MAPRE2: variants seen among roughly 807,000 people sequenced by gnomAD.
MAPRE2 encodes microtubule-associated protein RP/EB family member 2.
MAPRE2 carries 13 observed loss-of-function variants against 43.2 expected under a neutral mutation model. The ratio of observed to expected loss-of-function variants is 0.30; its 90% CI spans 0.20 to 0.48. MAPRE2 has a LOEUF of 0.48. Ranked by LOEUF, MAPRE2 falls within the 20% of genes least tolerant of loss-of-function variation. The probability of loss-of-function intolerance (pLI) is 0.99; values close to 1 mark genes in which losing one functional copy is unlikely to be tolerated. For synonymous variants in MAPRE2, 135 were observed against 148.8 expected, an observed-to-expected ratio of 0.91 and a Z score of 0.68; for missense variants, 161 against 400.2, an observed-to-expected ratio of 0.40 and a Z score of 5.10.
chr18:35,050,493 T>G (rs1905881255), intron 1 of MAPRE2, among the ~76,000 whole-genome samples: 1 of 152,232 alleles, frequency 6.6e-6, no homozygotes, highest in Admixed American at 6.5e-5. Context: ...CCAGAGTACA[T>G]TGAAGCTGCC....
rs375328148 is a variant in MAPRE2 at position 35,007,545 on chromosome 18, G to A, written c.-8+1992G>A. 1.1e-4 allele frequency among the ~76,000 whole-genome samples: 16 copies of A among 152,344 alleles called. 1 individual carries two copies. The highest frequency in any genetic ancestry group is 4.6e-4 in the Admixed American group (7 of 15,298). On this transcript the variant is annotated intron_variant, in intron 2 of 7. Transcript: ENST00000413393. ...AACAGACAAAGATAACACATAAAGA[G>A]ATGGCCTTGGCTGTGTTCAGTAAAG...
chr18:34,990,971 A>T (rs1313496541), intron 1 of MAPRE2, among the ~76,000 whole-genome samples: 3 of 152,192 alleles, frequency 2.0e-5, no homozygotes, highest in Non-Finnish European at 4.4e-5. Flanking sequence ...ACTTGGGGAC[A>T]GATAATCTGA....
chr18:35,041,517 T>C lies in MAPRE2; in HGVS notation c.-23T>C, dbSNP rs1198757918. 1.9e-6 allele frequency: 3 copies of C among 1,614,042 alleles called. No individual in the cohort carries two copies. Among genetic ancestry groups the C allele is most frequent in the Non-Finnish European group, 2.5e-6 (3 of 1,179,996 alleles). On this transcript the variant is annotated 5_prime_UTR_variant, in exon 1 of 7. Coordinates refer to ENST00000300249, the MANE Select transcript of MAPRE2 (RefSeq NM_014268.4). Reference sequence around the variant, plus strand: ...TCACCAGCCAGCCCACAGCGGTTTGTTCCCCTTCTCGGGAGTGCGCCAATG... The same window carrying C: ...TCACCAGCCAGCCCACAGCGGTTTGCTCCCCTTCTCGGGAGTGCGCCAATG...
intron 1 of MAPRE2, among the ~76,000 whole-genome samples, chr18:35,042,212 C>G (rs1007696573): frequency 6.6e-6 from 1 of 152,254 alleles, no homozygotes; most frequent in East Asian, 1.9e-4. Flanking sequence ...GTGATAGTGT[C>G]AGACATTCAC....
At chr18:35,079,911 T>C (rs1474013355) in intron 2 of MAPRE2, among the ~76,000 whole-genome samples, 1 of 152,258 alleles carries the variant, frequency 6.6e-6, no homozygotes, top group East Asian at 1.9e-4. Context: ...GTTTTGTGCA[T>C]GTACATTGCA....
chr18:35,114,054 C>T lies in MAPRE2; in HGVS notation c.610+11895C>T, dbSNP rs186903638. 3.7e-3 allele frequency among the ~76,000 whole-genome samples: 556 copies of T among 152,228 alleles called. 12 individuals carry two copies. The highest frequency in any genetic ancestry group is 5.7e-4 in the Non-Finnish European group (39 of 68,008). The stretch of plus-strand genomic sequence containing the variant: ...CTTTAAAGTTGAGGAAACTGAGGCA[C>T]GGAGAGGTTTAGTAACTTGCCAGGG... On this transcript the variant is annotated intron_variant, in intron 4 of 6. Transcript: ENST00000300249.
rs189652144 is a variant in MAPRE2 at position 35,008,972 on chromosome 18, G to A, written c.-8+3419G>A. On this transcript the variant is annotated intron_variant, in intron 2 of 7. Coordinates refer to the MAPRE2 transcript ENST00000413393. ...GGGGTGTGTGTGTGTGTGCATGCAC[G>A]TGTGTGTGTGTACATATATATATAT... 2.5e-3 allele frequency among the ~76,000 whole-genome samples: 215 copies of A among 85,520 alleles called. 1 individual carries two copies. The highest frequency in any genetic ancestry group is 5.9e-3 in the African/African-American group (202 of 34,340). 56.1% of individuals were successfully genotyped at this position (85,520 alleles called of 152,430 possible). A position where few individuals can be genotyped will look rare whatever the true frequency, so the allele number is the denominator to read the frequency against.
intron 1 of MAPRE2, among the ~76,000 whole-genome samples, chr18:35,004,488 A>T (rs2097030827): frequency 6.6e-6 from 1 of 152,170 alleles, no homozygotes; most frequent in Non-Finnish European, 1.5e-5. Flanking sequence ...CATCCCCCAA[A>T]CACTTGATTC....
At chr18:34,991,969 T>C (rs1161588933) in intron 1 of MAPRE2, among the ~76,000 whole-genome samples, 2 of 152,182 alleles carry the variant, frequency 1.3e-5, no homozygotes, top group South Asian at 2.1e-4. Flanking sequence ...TAAGGGTTGC[T>C]ATTGGAATCT....
intron 1 of MAPRE2, among the ~76,000 whole-genome samples, chr18:34,991,716 G>A (rs2097023908): frequency 6.6e-6 from 1 of 152,114 alleles, no homozygotes; most frequent in African/African-American, 2.4e-5. Context: ...TGCTATTCAT[G>A]GTAATTTGCC....
chr18:35,102,279 G>T, intron 4 of MAPRE2, 120 bp downstream of exon 4: 1 of 687,312 alleles, frequency 1.5e-6, no homozygotes, highest in Non-Finnish European at 2.3e-6. Context: ...TAATGCCTTC[G>T]GATGATTTCT....
intron 1 of MAPRE2, among the ~76,000 whole-genome samples, chr18:35,059,310 C>T (rs369645184): frequency 6.6e-6 from 1 of 151,298 alleles, no homozygotes; most frequent in African/African-American, 2.5e-5. Flanking sequence ...CCAGACATTT[C>T]CCTACTCACC....
intron 5 of MAPRE2, 49 bp downstream of exon 5, chr18:35,127,136 G>A (rs1157075863): frequency 6.2e-7 from 1 of 1,606,310 alleles, no homozygotes; most frequent in African/African-American, 1.3e-5. Context: ...ACGTGTGTAA[G>A]AGGTAGGGGG....
intron 4 of MAPRE2, among the ~76,000 whole-genome samples, chr18:35,109,647 C>T (rs1410698655): frequency 6.6e-6 from 1 of 152,032 alleles, no homozygotes; most frequent in East Asian, 1.9e-4. Context: ...GCTACTCCAG[C>T]TTTTATATGC....
chr18:35,063,999 TTAAAAAAAAA>T (rs1206074569), intron 1 of MAPRE2, among the ~76,000 whole-genome samples: 101 of 60,724 alleles, frequency 1.7e-3, no homozygotes, highest in Admixed American at 3.6e-3. Flanking sequence ...CCCTGTCTCT[TTAAAAAAAAA>T]AAAAAAAAAA....
chr18:35,120,771 C>G (rs1278734943), intron 4 of MAPRE2, among the ~76,000 whole-genome samples: 1 of 152,050 alleles, frequency 6.6e-6, no homozygotes, highest in Non-Finnish European at 1.5e-5. Context: ...AATATAATCT[C>G]TTTGCCAAGG....
At chr18:35,114,224 A>G (rs1021345785) in intron 4 of MAPRE2, among the ~76,000 whole-genome samples, 3 of 152,142 alleles carry the variant, frequency 2.0e-5, no homozygotes, top group Non-Finnish European at 4.4e-5. Context: ...TCCCCACACT[A>G]TGCTGAACCA....
intron 1 of MAPRE2, 101 bp downstream of exon 1, chr18:35,041,762 TG>T: frequency 2.5e-6 from 4 of 1,579,728 alleles, no homozygotes; most frequent in Non-Finnish European, 3.4e-6. Context: ...CGACCCCTGC[TG>T]CAGGCATGCA....
intron 1 of MAPRE2, among the ~76,000 whole-genome samples, chr18:34,981,487 G>C (rs978666143): frequency 6.6e-6 from 1 of 152,164 alleles, no homozygotes; most frequent in Non-Finnish European, 1.5e-5. Flanking sequence ...AAAAGGGGTA[G>C]AGTAGAAGAA....
Sources: allele counts gnomAD v4.1 joint callset (sites outside exome capture counted in the v4.1 genomes callset), GRCh38; gene constraint gnomAD v4.1.1; transcripts MANE v1.5; gene names NCBI Gene and HGNC (gene_info 2026-07-23, HGNC 2026-07-21).